The following CDH3 variants were observed in gnomAD, a reference collection of about 807,000 sequenced individuals.
CDH3 encodes the protein cadherin-3.
A neutral mutation model predicts 82.0 loss-of-function variants in CDH3; 54 were observed. The observed-to-expected ratio is 0.66, with a 90% confidence interval of 0.53 to 0.83. The LOEUF is 0.83. CDH3 is among the 40% of genes least tolerant of loss of function. The pLI is 0.00. For synonymous variants in CDH3, 446 were observed against 437.9 expected (o/e 1.02, Z -0.23); for missense variants, 1,054 against 1,084.6 (o/e 0.97, Z 0.40).
chr16:68,673,484 T>TC (rs1206977811), intron 2 of CDH3, among the ~76,000 whole-genome samples: 1 of 151,714 alleles, frequency 6.6e-6, no homozygotes, highest in East Asian at 1.9e-4. Context: ...TTTTTTTTTT[T>TC]TCTTAGAGAA....
Position 68,700,215 on chromosome 16 carries a change from A to G in CDH3, c.*1815A>G, listed in dbSNP as rs1297669970. 1.3e-5 allele frequency: 2 copies of G among 152,250 alleles called. No homozygotes were observed. The highest frequency in any genetic ancestry group is 4.1e-4 in the South Asian group (2 of 4,836). The allele number at this position is 152,250 out of a possible 1,614,324, so 9.4% of individuals were successfully genotyped here. ...CCTTGTTAACGTGAAGTTCAAAGTC[A>G]TCTTTGCAATTAGCCAAAAGAATCT... On this transcript the variant is annotated 3_prime_UTR_variant, in exon 16 of 16. Transcript: ENST00000264012.
chr16:68,723,284 CA>C (rs1962184041), intron 2 of CDH3, among the ~76,000 whole-genome samples: 1 of 152,038 alleles, frequency 6.6e-6, no homozygotes, highest in African/African-American at 2.4e-5. Context: ...ATATATTATT[CA>C]TAACATTTAC....
intron 9 of CDH3, 74 bp downstream of exon 9, chr16:68,682,561 A>G (rs1961263836): frequency 1.4e-6 from 2 of 1,419,488 alleles, no homozygotes; most frequent in African/African-American, 2.8e-5. Flanking sequence ...ATGAGGAGCC[A>G]CTGTCTACCG....
intron 15 of CDH3, 77 bp from the exon 16 acceptor site, chr16:68,698,114 C>A: frequency 7.5e-7 from 1 of 1,326,362 alleles, no homozygotes; most frequent in Non-Finnish European, 1.1e-6. Context: ...GAGGGGCTCA[C>A]AGAGAGGAAA....
intron 13 of CDH3, among the ~76,000 whole-genome samples, chr16:68,692,654 C>A (rs1397441943): frequency 6.6e-6 from 1 of 152,214 alleles, no homozygotes; most frequent in East Asian, 1.9e-4. Flanking sequence ...CTAGAGTCTG[C>A]AAATTACTGG....
At chr16:68,679,694 C>CA (rs66540234) in intron 6 of CDH3, 105 bp from the exon 7 acceptor site, 25,100 of 348,394 alleles carry the variant, frequency 0.072, 37 homozygotes, top group East Asian at 0.1. Context: ...GACTTCATCT[C>CA]AAAAAAAAAA....
intron 2 of CDH3, among the ~76,000 whole-genome samples, chr16:68,657,803 GC>G (rs1191420888): frequency 1.3e-5 from 2 of 152,282 alleles, no homozygotes; most frequent in African/African-American, 4.8e-5. Context: ...AATCTCAGTA[GC>G]CCCCCTTTTG....
downstream of CDH3, among the ~76,000 whole-genome samples, chr16:68,701,910 G>A (rs769467928): frequency 1.0e-3 from 157 of 151,746 alleles, no homozygotes; most frequent in Non-Finnish European, 1.8e-3. Context: ...TGTAGTCCCC[G>A]CTACTTGGGA....
In CDH3 at chr16:68,672,052, C is replaced by T. The variant is rs146255160; in HGVS notation, c.161-4333C>T. 2.5e-3 allele frequency among the ~76,000 whole-genome samples: 373 copies of T among 151,914 alleles called. 1 individual carries two copies. Among genetic ancestry groups the T allele is most frequent in the Middle Eastern group, 6.8e-3 (2 of 292 alleles). ...ATAAGTTTCTGTAAAATTAGCCGGG[C>T]GAGGTGGCGGGCGCCTGTAGTCCCA... On this transcript the variant is annotated intron_variant, in intron 2 of 15. Coordinates refer to ENST00000264012, the MANE Select transcript of CDH3 (RefSeq NM_001793.6).
chr16:68,710,512 G>C (rs1962013131), intron 1 of CDH3, among the ~76,000 whole-genome samples: 1 of 152,184 alleles, frequency 6.6e-6, no homozygotes, highest in Non-Finnish European at 1.5e-5. Context: ...CAATGCACAG[G>C]ACAGCCCCCA....
In CDH3 at chr16:68,678,773, C is replaced by T. The variant is rs775627086; in HGVS notation, c.558C>T (p.His186=). 21 of 1,614,040 alleles carry T rather than the reference C, an allele frequency of 1.3e-5. No individual in the cohort carries two copies. Among genetic ancestry groups the T allele is most frequent in the Middle Eastern group, 1.6e-4 (1 of 6,084 alleles). The stretch of plus-strand genomic sequence containing the variant: ...TGTGTACCCCACAGCTCTTTGGCCA[C>T]GCTGTGTCAGAGAATGGTGCCTCAG... ...EEIAKYELFG[H]AVSENGASVE... The change falls in exon 6 of 16, where the codon CAC becomes CAT. Residue 186 remains histidine (H), a synonymous_variant. Coordinates refer to ENST00000264012, the MANE Select transcript of CDH3 (RefSeq NM_001793.6).
the CDH3 span, among the ~76,000 whole-genome samples, chr16:68,732,950 C>CG: frequency 4.2e-4 from 7 of 16,516 alleles, no homozygotes; most frequent in Admixed American, 6.6e-4. Context: ...GCTTTAGTGG[C>CG]GGGGGTGGGG....
intron 1 of CDH3, 72 bp from the exon 2 acceptor site, chr16:68,645,564 C>T: frequency 6.9e-7 from 1 of 1,459,284 alleles, no homozygotes; most frequent in Admixed American, 2.0e-5. Context: ...CCGTGAGGAC[C>T]CTGCGGTGTG....
downstream of CDH3, among the ~76,000 whole-genome samples, chr16:68,731,433 CATAT>C (rs1388280586): frequency 8.1e-3 from 79 of 9,770 alleles, 13 homozygotes; most frequent in Middle Eastern, 0.077. Context: ...CATATATACA[CATAT>C]ATATACACAC....
chr16:68,713,919 T>TTTATTATTA (rs146101205), intron 1 of CDH3, among the ~76,000 whole-genome samples: 490 of 147,574 alleles, frequency 3.3e-3, no homozygotes, highest in Middle Eastern at 7.1e-3. Flanking sequence ...TTTTATTCTA[T>TTTATTATTA]TTATTATTAT....
Position 68,678,867 on chromosome 16 carries a change from G to C in CDH3, c.652G>C (p.Asp218His). The change falls in exon 6 of 16, where the codon GAC (aspartate) becomes CAC (histidine). Residue 218 changes from aspartate to histidine, a missense_variant. Physicochemically the swap from Asp to His is moderately conservative, Grantham distance 81. Transcript: ENST00000264012. ...TGACCACAAGCCCAAGTTTACCCAG[G>C]ACACCTTCCGAGGGAGTGTCTTAGA... Reference protein sequence around the residue: ...QNDHKPKFTQDTFRGSVLEGV... With the variant: ...QNDHKPKFTQHTFRGSVLEGV... 1 of 1,614,040 alleles carries C rather than the reference G, an allele frequency of 6.2e-7. No individual in the cohort carries two copies. The highest frequency in any genetic ancestry group is 8.5e-7 in the Non-Finnish European group (1 of 1,180,036).
At chr16:68,705,195 C>A (rs761958345), downstream of CDH3, among the ~76,000 whole-genome samples, 3 of 152,184 alleles carry the variant, frequency 2.0e-5, no homozygotes, top group Non-Finnish European at 2.9e-5. Flanking sequence ...ACTCCAGTTG[C>A]AGATGGGGCC....
At chr16:68,679,763 A>G (rs1355830927) in intron 6 of CDH3, 36 bp from the exon 7 acceptor site, 3 of 1,457,752 alleles carry the variant, frequency 2.1e-6, no homozygotes, top group Non-Finnish European at 2.9e-6. Flanking sequence ...CTGGAGTTGG[A>G]ACTGGGAGGA....
chr16:68,701,655 C>T (rs1049790933), downstream of CDH3, among the ~76,000 whole-genome samples: 4 of 151,696 alleles, frequency 2.6e-5, no homozygotes, highest in African/African-American at 9.7e-5. Flanking sequence ...AAGTGATTCT[C>T]CTGCCTCAGC....
Sources: gnomAD v4.1 joint callset for allele counts (sites outside exome capture counted in the v4.1 genomes callset) on GRCh38, gnomAD v4.1.1 for gene constraint, MANE v1.5 for transcripts, NCBI Gene and HGNC (gene_info 2026-07-23, HGNC 2026-07-21) for gene names.